Variants in TAF8 observed in about 807,000 individuals in gnomAD.
The protein encoded by TAF8 is transcription initiation factor TFIID subunit 8.
In TAF8, 47 loss-of-function variants were observed where a neutral mutation model predicts 36.5. The observed-to-expected ratio is 1.29, with a 90% CI of 1.02 to 1.64. The LOEUF (loss-of-function observed/expected upper bound fraction) is 1.64, where lower values mean the gene tolerates loss of function less well. Ranked by LOEUF, TAF8 falls within the 40% of genes most tolerant of loss-of-function variation. The pLI is 0.00. For missense variants in TAF8, 420 were observed against 407.6 expected, an observed-to-expected ratio of 1.03 and a Z score of -0.26; for synonymous variants, 175 against 159.5, an observed-to-expected ratio of 1.10 and a Z score of -0.73.
Position 42,051,355 on chromosome 6 carries a change from A to G in TAF8, c.46-2A>G, listed in dbSNP as rs1469051810. The G allele has an allele frequency of 5.0e-6, 8 of 1,610,204 alleles. No individual in the cohort carries two copies. Among genetic ancestry groups the G allele is most frequent in the Non-Finnish European group, 5.9e-6 (7 of 1,176,922 alleles). On this transcript the variant is annotated splice_acceptor_variant, in intron 1 of 8. Transcript: ENST00000372977. LOFTEE classifies it high-confidence loss of function. Reference sequence around the variant, plus strand: ...GATGAAAATCTCTCTGCTGATTCACAGAGATCGGGAAGTAAACAGTCCACT... The same window carrying G: ...GATGAAAATCTCTCTGCTGATTCACGGAGATCGGGAAGTAAACAGTCCACT...
chr6:42,085,168 T>G (rs1199736186), downstream of TAF8, among the ~76,000 whole-genome samples: 2 of 152,248 alleles, frequency 1.3e-5, no homozygotes, highest in African/African-American at 2.4e-5. Flanking sequence ...TGCACTTGCT[T>G]CTTTCCCCAC....
chr6:42,086,178 A>G (rs1045598477), downstream of TAF8, among the ~76,000 whole-genome samples: 3 of 152,238 alleles, frequency 2.0e-5, no homozygotes, highest in Non-Finnish European at 4.4e-5. Context: ...GCAGACTAGG[A>G]CAGCAGCTAT....
At chr6:42,050,627 G>T (rs1307363790) in intron 1 of TAF8, 41 bp downstream of exon 1, 1 of 1,529,712 alleles carries the variant, frequency 6.5e-7, no homozygotes. Flanking sequence ...AGAGAGTTTG[G>T]GTATCCTGCA....
At chr6:42,067,998 C>T (rs1036456539) in intron 6 of TAF8, among the ~76,000 whole-genome samples, 41 of 152,170 alleles carry the variant, frequency 2.7e-4, no homozygotes, top group African/African-American at 9.4e-4. Flanking sequence ...TGCTCAAATC[C>T]AGCCTTTGGA....
In TAF8 at chr6:42,079,470, G is replaced by A. The variant is rs143653418; in HGVS notation, c.*1925G>A. 90 of 985,408 alleles carry A rather than the reference G, an allele frequency of 9.1e-5. No homozygotes were observed. The African/African-American group carries it at 9.4e-4, about 10-fold the overall frequency. 61.0% of individuals were successfully genotyped at this position (985,408 alleles called of 1,614,324 possible). A position where few individuals can be genotyped will look rare whatever the true frequency, so the allele number is the denominator to read the frequency against. ...CCAAGGAAGAAAAATGTAACAACAC[G>A]TGGAAGTGAACACTGGATGAATAAG... On this transcript the variant is annotated 3_prime_UTR_variant, in exon 9 of 9. Transcript: ENST00000372977.
rs577047972 is a variant in TAF8, at chr6:42,056,403, C to A, written c.364+389C>A. 37 of 230,090 alleles carry A rather than the reference C, an allele frequency of 1.6e-4. 1 individual carries two copies. In the South Asian group the frequency reaches 1.9e-3, roughly 12 times the overall value. The allele number at this position is 230,090 out of a possible 1,614,324, so 14.3% of individuals were successfully genotyped here. On this transcript the variant is annotated intron_variant, in intron 4 of 8. Transcript: ENST00000372977. Reference sequence around the variant, plus strand: ...GAATGCAGCCATATTTACTTATTATCTGTGGTTGTTTTCATGCTATAATGG... The same window carrying A: ...GAATGCAGCCATATTTACTTATTATATGTGGTTGTTTTCATGCTATAATGG...
chr6:42,053,241 G>C (rs1034253544), intron 2 of TAF8, among the ~76,000 whole-genome samples: 1 of 152,062 alleles, frequency 6.6e-6, no homozygotes, highest in African/African-American at 2.4e-5. Context: ...AGTAGCTTTT[G>C]TATATGTGTA....
At chr6:42,053,585 AAAAG>A (rs1387345792) in intron 2 of TAF8, among the ~76,000 whole-genome samples, 1 of 151,616 alleles carries the variant, frequency 6.6e-6, no homozygotes, top group East Asian at 1.9e-4. Flanking sequence ...AAAAGAAAAA[AAAAG>A]AAGAAGAAAT....
At chr6:42,052,250 G>A (rs1490582393) in intron 2 of TAF8, among the ~76,000 whole-genome samples, 1 of 151,964 alleles carries the variant, frequency 6.6e-6, no homozygotes, top group African/African-American at 2.4e-5. Context: ...AATTCCCCAT[G>A]CAATAGATAT....
rs1236089015 is a variant in TAF8 at position 42,077,598 on chromosome 6, A to G, written c.*53A>G. 3.8e-5 allele frequency: 61 copies of G among 1,604,678 alleles called. No homozygotes were observed. The highest frequency in any genetic ancestry group is 4.9e-5 in the Non-Finnish European group (58 of 1,175,526). ...GGGCGCAGATTCCACCCTCCCGGGG[A>G]GTTAAAGCCACTCAAGGGAAGAAGA... On this transcript the variant is annotated 3_prime_UTR_variant, in exon 9 of 9. Coordinates refer to ENST00000372977, the MANE Select transcript of TAF8 (RefSeq NM_138572.3).
At chr6:42,051,305 T>G in intron 1 of TAF8, 52 bp from the exon 2 acceptor site, 1 of 1,567,566 alleles carries the variant, frequency 6.4e-7, no homozygotes, top group Admixed American at 1.7e-5. Context: ...ACGTATGAAC[T>G]ATGTGATTGC....
At chr6:42,085,917 G>A (rs796383809), downstream of TAF8, among the ~76,000 whole-genome samples, 3 of 152,282 alleles carry the variant, frequency 2.0e-5, no homozygotes, top group African/African-American at 4.8e-5. Flanking sequence ...CCTGGGAGGC[G>A]GAGGTTGCAG....
Position 42,080,128 on chromosome 6 carries a change from T to G in TAF8, c.*2583T>G. The stretch of plus-strand genomic sequence containing the variant: ...TTCTCAGGGTTTGTGATTCAGTTCT[T>G]AGCGATTCTTGGCCTGATAAGTTTA... On this transcript the variant is annotated 3_prime_UTR_variant, in exon 9 of 9. Coordinates refer to ENST00000372977, the MANE Select transcript of TAF8 (RefSeq NM_138572.3). 1 of 985,440 alleles carries G rather than the reference T, an allele frequency of 1.0e-6. No homozygotes were observed. The highest frequency in any genetic ancestry group is 1.2e-6 in the Non-Finnish European group (1 of 829,940). 61.0% of individuals were successfully genotyped at this position (985,440 alleles called of 1,614,324 possible). A position where few individuals can be genotyped will look rare whatever the true frequency, so the allele number is the denominator to read the frequency against.
At chr6:42,074,218 G>A (rs1173216887) in intron 7 of TAF8, among the ~76,000 whole-genome samples, 2 of 152,186 alleles carry the variant, frequency 1.3e-5, no homozygotes, top group Non-Finnish European at 1.5e-5. Flanking sequence ...GGGAGGGACT[G>A]AGAAGCGCCG....
chr6:42,081,058 A>AAT lies in TAF8; in HGVS notation c.*3518_*3519dup. ...TTTCAAATACAAAATTAGAGAGCAA[A>AAT]ATATATGAACCCCTGTATATGCCTC... On this transcript the variant is annotated 3_prime_UTR_variant, in exon 9 of 9. Transcript: ENST00000372977. 1 of 732,374 alleles carries AAT rather than the reference A, an allele frequency of 1.4e-6. No homozygotes were observed. Among genetic ancestry groups the AAT allele is most frequent in the South Asian group, 6.2e-5 (1 of 16,148 alleles). The allele number at this position is 732,374 out of a possible 1,614,324, so 45.4% of individuals were successfully genotyped here.
At chr6:42,058,942 G>A (rs1331925448) in intron 5 of TAF8, among the ~76,000 whole-genome samples, 3 of 152,100 alleles carry the variant, frequency 2.0e-5, no homozygotes, top group Admixed American at 2.0e-4. Context: ...TTTTTTGTGT[G>A]TGGTTGGGGG....
chr6:42,078,509 T>C lies in TAF8; in HGVS notation c.*964T>C. On this transcript the variant is annotated 3_prime_UTR_variant, in exon 9 of 9. Transcript: ENST00000372977. ...AAAAGTTCTTTGTACTCCCTCAACG[T>C]GTCGGAAACAGGAGGCCACACAGCA... The C allele has an allele frequency of 3.0e-6, 3 of 985,512 alleles. No homozygotes were observed. The highest frequency in any genetic ancestry group is 3.6e-6 in the Non-Finnish European group (3 of 829,942). The allele number at this position is 985,512 out of a possible 1,614,324, so 61.0% of individuals were successfully genotyped here.
At chr6:42,065,077 G>A (rs2127457235) in intron 5 of TAF8, among the ~76,000 whole-genome samples, 1 of 151,568 alleles carries the variant, frequency 6.6e-6, no homozygotes, top group Middle Eastern at 3.5e-3. Context: ...TGGGCGCGGT[G>A]ACTCACACCT....
At chr6:42,064,346 AG>A (rs1419744401) in intron 5 of TAF8, among the ~76,000 whole-genome samples, 2 of 151,982 alleles carry the variant, frequency 1.3e-5, no homozygotes, top group Non-Finnish European at 2.9e-5. Flanking sequence ...TCTGTCTCCC[AG>A]GTTCAAGCGA....
Sources: gnomAD v4.1 joint callset for allele counts (sites outside exome capture counted in the v4.1 genomes callset) on GRCh38, gnomAD v4.1.1 for gene constraint, MANE v1.5 for transcripts, NCBI Gene and HGNC (gene_info 2026-07-23, HGNC 2026-07-21) for gene names.